Variants in DNAH2 observed in about 807,000 individuals in gnomAD.
DNAH2 encodes the protein axonemal beta dynein heavy chain 2.
A neutral mutation model predicts 523.5 loss-of-function variants in DNAH2; 323 were observed. The ratio of observed to expected loss-of-function variants is 0.62; its 90% CI spans 0.56 to 0.68. The LOEUF is 0.68. Among genes scored for constraint, DNAH2 ranks in the 30% least tolerant of loss-of-function variants. The pLI is 0.00. For synonymous variants in DNAH2, 2,093 were observed against 2,177.4 expected (o/e 0.96, Z 1.08); for missense variants, 4,907 against 5,701.5 (o/e 0.86, Z 4.49).
rs1224686218 is a variant in DNAH2, at chr17:7,754,914, C to T, written c.1905-2177C>T. The T allele has an allele frequency of 1.1e-5, 6 of 546,586 alleles. No individual in the cohort carries two copies. The highest frequency in any genetic ancestry group is 4.9e-4 in the Middle Eastern group (1 of 2,028). The allele number at this position is 546,586 out of a possible 1,614,324, so 33.9% of individuals were successfully genotyped here. ...GGTGCCACCCACCCCGGGCTGCCGT[C>T]TGCATGGGGCTGGGGTCCTCCTGCG... is the stretch of plus-strand genomic sequence containing the variant. On this transcript the variant is annotated intron_variant, in intron 12 of 85. Coordinates refer to ENST00000572933, the MANE Select transcript of DNAH2 (RefSeq NM_020877.5). The surrounding 1 kb of genome is among the most constrained non-coding windows in gnomAD (Gnocchi z 4.6).
chr17:7,741,599 C>G (rs1439766044), intron 11 of DNAH2, among the ~76,000 whole-genome samples: 5 of 151,852 alleles, frequency 3.3e-5, no homozygotes, highest in African/African-American at 1.2e-4. Flanking sequence ...ACCTCATGAT[C>G]CACCCACCTG....
Position 7,821,155 on chromosome 17 carries a change from CTG to C in DNAH2, c.11016-83_11016-82del. ...GGCTGGTGAGGTCCTCTGTGTGAAG[CTG>C]TGTGATAGTAGCATCATAGCATTCG... is the stretch of plus-strand genomic sequence containing the variant. On this transcript the variant is annotated intron_variant, in intron 72 of 85. Transcript: ENST00000572933. This position sits in a 1 kb window ranked among gnomAD's most constrained non-coding sequence, Gnocchi z 5.0. 6.5e-7 allele frequency: 1 copy of C among 1,527,860 alleles called. No homozygotes were observed. Among genetic ancestry groups the C allele is most frequent in the South Asian group, 1.3e-5 (1 of 78,318 alleles). 94.6% of individuals were successfully genotyped at this position (1,527,860 alleles called of 1,614,324 possible).
rs752994858 is a variant in DNAH2 at position 7,787,952 on chromosome 17, G to A, written c.6696G>A (p.Leu2232=). Residue 2232 remains leucine (L), a synonymous_variant, in exon 43 of 86, where the codon CTG becomes CTA. Transcript: ENST00000572933. ...TGGTCTACACTGACTACGCTGACCT[G>A]GGCTGGAAGCCCTATGTTCAGTCAT... is the stretch of plus-strand genomic sequence containing the variant. ...CGMVYTDYAD[L]GWKPYVQSWL... is the part of the protein sequence containing the mutation. The A allele has an allele frequency of 5.0e-6, 8 of 1,614,214 alleles. No homozygotes were observed. Among genetic ancestry groups the A allele is most frequent in the Non-Finnish European group, 6.8e-6 (8 of 1,180,032 alleles).
chr17:7,774,693 G>C (rs2076401198), intron 28 of DNAH2, 66 bp from the exon 29 acceptor site: 1 of 1,418,680 alleles, frequency 7.0e-7, no homozygotes, highest in Non-Finnish European at 9.7e-7. Flanking sequence ...ACACAGAGTT[G>C]GGGCATCCAG....
chr17:7,832,653 G>T lies in DNAH2; in HGVS notation c.12801G>T (p.Trp4267Cys). 6.2e-7 allele frequency: 1 copy of T among 1,614,116 alleles called. No individual in the cohort carries two copies. The highest frequency in any genetic ancestry group is 1.1e-5 in the South Asian group (1 of 91,080). ...LAMRVEQFEL[W>C]ASRARPPVIF... Reference sequence around the variant, plus strand: ...TGCGTGTGGAGCAGTTTGAGCTGTGGGCCAGCCGGGCCCGGCCTCCTGTGA... The same window carrying T: ...TGCGTGTGGAGCAGTTTGAGCTGTGTGCCAGCCGGGCCCGGCCTCCTGTGA... Residue 4267 changes from tryptophan to cysteine, a missense_variant, in exon 83 of 86, where the codon TGG (tryptophan) becomes TGT (cysteine). Coordinates refer to ENST00000572933, the MANE Select transcript of DNAH2 (RefSeq NM_020877.5). This position sits in a 1 kb window ranked among gnomAD's most constrained non-coding sequence, Gnocchi z 4.3.
At chr17:7,797,889 G>C (rs941243613) in intron 53 of DNAH2, 60 bp downstream of exon 53, 12 of 1,534,740 alleles carry the variant, frequency 7.8e-6, no homozygotes, top group South Asian at 3.9e-5. Context: ...TATGTCTAAG[G>C]AAATAGGGGT....
intron 63 of DNAH2, among the ~76,000 whole-genome samples, chr17:7,809,429 G>A (rs1367499454): frequency 2.6e-5 from 4 of 152,072 alleles, no homozygotes; most frequent in South Asian, 2.1e-4. Context: ...TTGGGTGAAC[G>A]GGGCTTCTCT....
rs1368448349 is a variant in DNAH2 at position 7,821,386 on chromosome 17, G to C, written c.11142+17G>C. 6 of 1,609,598 alleles carry C rather than the reference G, an allele frequency of 3.7e-6. No individual in the cohort carries two copies. In the Admixed American group the frequency reaches 1.0e-4, roughly 27 times the overall value. On this transcript the variant is annotated intron_variant, in intron 73 of 85. Transcript: ENST00000572933. This position sits in a 1 kb window ranked among gnomAD's most constrained non-coding sequence, Gnocchi z 5.0. ...GGGGGTGTGGTGAGTTGGGCAGAGA[G>C]CACATCCCAGGATGGGATGGTCAAG...
At chr17:7,746,321 G>A (rs2075517809) in intron 12 of DNAH2, among the ~76,000 whole-genome samples, 1 of 152,166 alleles carries the variant, frequency 6.6e-6, no homozygotes, top group South Asian at 2.1e-4. Context: ...AAGACAGTCA[G>A]TGTTTCAGAT....
intron 24 of DNAH2, among the ~76,000 whole-genome samples, chr17:7,769,664 A>G (rs1357668867): frequency 6.6e-6 from 1 of 152,162 alleles, no homozygotes; most frequent in Non-Finnish European, 1.5e-5. Flanking sequence ...AATTTATTAT[A>G]TGGCAGAGGA....
At chr17:7,723,271 T>C (rs2074687785) in intron 2 of DNAH2, among the ~76,000 whole-genome samples, 1 of 128,850 alleles carries the variant, frequency 7.8e-6, no homozygotes, top group African/African-American at 3.0e-5. Context: ...TACCCGGCTT[T>C]TTTTTTTTTT....
At position 7,805,081 on chromosome 17, in the gene DNAH2, G is replaced by A; in HGVS notation, c.9300+7G>A. On this transcript the variant is annotated splice_region_variant and intron_variant, in intron 60 of 85. Coordinates refer to ENST00000572933, the MANE Select transcript of DNAH2 (RefSeq NM_020877.5). ...CCTGGAAGAGGCCATGCGGGTACCA[G>A]GGGCGGGTGCAAGGATGGGAGCCAG... The A allele has an allele frequency of 1.2e-6, 2 of 1,612,304 alleles. No homozygotes were observed. Among genetic ancestry groups the A allele is most frequent in the Non-Finnish European group, 1.7e-6 (2 of 1,178,616 alleles).
At chr17:7,741,654 G>A (rs1335153517) in intron 11 of DNAH2, among the ~76,000 whole-genome samples, 5 of 150,578 alleles carry the variant, frequency 3.3e-5, no homozygotes, top group South Asian at 2.1e-4. Flanking sequence ...CACCGCGCCC[G>A]GCTTCTTTTT....
chr17:7,777,332 T>TAC, intron 32 of DNAH2, 114 bp from the exon 33 acceptor site: 1 of 1,134,638 alleles, frequency 8.8e-7, no homozygotes, highest in African/African-American at 1.5e-5. Context: ...TACCAGGAGT[T>TAC]ACAGCAGGTG....
chr17:7,752,946 A>C (rs1265861798), intron 12 of DNAH2, among the ~76,000 whole-genome samples: 10 of 152,112 alleles, frequency 6.6e-5, no homozygotes, highest in Admixed American at 6.6e-4. Context: ...AAATGCATCC[A>C]CACTGGGCCC....
Position 7,832,763 on chromosome 17 carries a change from A to G in DNAH2, c.12903+8A>G, listed in dbSNP as rs747419359. On this transcript the variant is annotated splice_region_variant and intron_variant, in intron 83 of 85. Transcript: ENST00000572933. This position sits in a 1 kb window ranked among gnomAD's most constrained non-coding sequence, Gnocchi z 4.3. The stretch of plus-strand genomic sequence containing the variant: ...TCAGCTCGCCAAAACAACGTGAGCA[A>G]TGTGCAAAGTGTGAGGGGGGGATGT... 6.8e-6 allele frequency: 11 copies of G among 1,613,914 alleles called. No homozygotes were observed. The highest frequency in any genetic ancestry group is 1.3e-5 in the African/African-American group (1 of 74,886).
At chr17:7,774,124 C>A (rs367898476) in intron 28 of DNAH2, among the ~76,000 whole-genome samples, 4 of 152,186 alleles carry the variant, frequency 2.6e-5, no homozygotes, top group African/African-American at 9.7e-5. Context: ...AAGCACTTTA[C>A]GGCTTCTCTT....
chr17:7,792,138 G>T, intron 45 of DNAH2, 69 bp downstream of exon 45: 1 of 1,603,974 alleles, frequency 6.2e-7, no homozygotes, highest in Admixed American at 1.7e-5. Context: ...CCCATCTCAG[G>T]CTCTGCTTGG....
In DNAH2 at chr17:7,792,969, C is replaced by T. The variant is rs2076941479; in HGVS notation, c.7345-12C>T. 1.2e-6 allele frequency: 2 copies of T among 1,603,670 alleles called. No individual in the cohort carries two copies. Among genetic ancestry groups the T allele is most frequent in the Non-Finnish European group, 1.7e-6 (2 of 1,171,796 alleles). ...AGGGGACCCACACATTCATTCGGTA[C>T]CTTTTCACCAGACCACATCCAATAA... On this transcript the variant is annotated splice_polypyrimidine_tract_variant and intron_variant, in intron 47 of 85. Transcript: ENST00000572933.
Sources: allele counts gnomAD v4.1 joint callset (sites outside exome capture counted in the v4.1 genomes callset), GRCh38; gene constraint gnomAD v4.1.1; non-coding constraint Gnocchi (gnomAD v3.1); transcripts MANE v1.5; gene names NCBI Gene and HGNC (gene_info 2026-07-23, HGNC 2026-07-21).